The following SMARCA2 variants were observed in gnomAD, a reference collection of about 807,000 sequenced individuals.
The protein encoded by SMARCA2 is SWI/SNF-related matrix-associated actin-dependent regulator of chromatin subfamily A member 2.
A neutral mutation model predicts 199.8 loss-of-function variants in SMARCA2; 61 were observed. The ratio of observed to expected loss-of-function variants is 0.31; its 90% confidence interval spans 0.25 to 0.38. The LOEUF is 0.38. Among genes scored for constraint, SMARCA2 ranks in the 10% least tolerant of loss-of-function variants. The probability of loss-of-function intolerance (pLI) is 1.00; values close to 1 mark genes in which losing one functional copy is unlikely to be tolerated. For missense variants in SMARCA2, 1,344 were observed against 2,012.2 expected (o/e 0.67, Z 6.35); for synonymous variants, 935 against 732.0 (o/e 1.28, Z -4.48).
At chr9:2,146,173 A>T (rs1824733236) in intron 27 of SMARCA2, among the ~76,000 whole-genome samples, 3 of 152,182 alleles carry the variant, frequency 2.0e-5, no homozygotes, top group African/African-American at 7.2e-5. Context: ...TGGTTCATAG[A>T]CAGTGCCTTT....
intron 10 of SMARCA2, among the ~76,000 whole-genome samples, chr9:2,072,796 A>G (rs1821148401): frequency 6.6e-6 from 1 of 152,228 alleles, no homozygotes; most frequent in Admixed American, 6.5e-5. Context: ...TATCCCCAAT[A>G]TTATGCTCTA....
rs182131528 is a variant in SMARCA2 at position 2,165,357 on chromosome 9, A to G, written c.4199+3454A>G. Among the ~76,000 whole-genome samples, 467 of 152,336 alleles carry G rather than the reference A, an allele frequency of 3.1e-3. 2 individuals carry two copies. The highest frequency in any genetic ancestry group is 0.017 in the Middle Eastern group (5 of 294). ...GATATTTTCATAAAGAACTAAGATC[A>G]TTTATGTGTGTGTTCGTTGCTTTTT... is the stretch of plus-strand genomic sequence containing the variant. On this transcript the variant is annotated intron_variant, in intron 28 of 33. Coordinates refer to ENST00000349721, the MANE Select transcript of SMARCA2 (RefSeq NM_003070.5).
chr9:2,073,110 G>A lies in SMARCA2; in HGVS notation c.1747-102G>A, dbSNP rs187172059. On this transcript the variant is annotated intron_variant, in intron 10 of 33. Transcript: ENST00000349721. The stretch of plus-strand genomic sequence containing the variant: ...AGTGAAATTTCCAAACACAGAATAA[G>A]GTTTCACATGCTGGGCAGCAAAAAC... 1.1e-4 allele frequency: 146 copies of A among 1,371,436 alleles called. No homozygotes were observed. In the East Asian group the frequency reaches 3.3e-3, roughly 31 times the overall value. The allele number at this position is 1,371,436 out of a possible 1,614,324, so 85.0% of individuals were successfully genotyped here.
At chr9:2,121,964 A>G (rs1474567378) in intron 26 of SMARCA2, among the ~76,000 whole-genome samples, 4 of 152,198 alleles carry the variant, frequency 2.6e-5, no homozygotes, top group Non-Finnish European at 4.4e-5. Flanking sequence ...CTCAAGACCA[A>G]TTATTCACAA....
intron 29 of SMARCA2, among the ~76,000 whole-genome samples, chr9:2,177,428 C>G (rs1219372003): frequency 6.6e-6 from 1 of 152,102 alleles, no homozygotes; most frequent in Admixed American, 6.5e-5. Context: ...ATTAGCTATT[C>G]TGGTCAACAG....
At chr9:2,084,836 C>G (rs1821731778) in intron 17 of SMARCA2, among the ~76,000 whole-genome samples, 1 of 152,110 alleles carries the variant, frequency 6.6e-6, no homozygotes, top group African/African-American at 2.4e-5. Context: ...TAAGTTGTTC[C>G]TTAGCCACAA....
chr9:2,108,667 A>T (rs10964786), intron 23 of SMARCA2, among the ~76,000 whole-genome samples: 4,005 of 152,312 alleles, frequency 0.026, 89 homozygotes, highest in Non-Finnish European at 0.038. Context: ...TGTAATTTTT[A>T]AAAAAATTCT....
At chr9:2,188,228 G>A (rs1015961398) in intron 32 of SMARCA2, among the ~76,000 whole-genome samples, 1 of 152,018 alleles carries the variant, frequency 6.6e-6, no homozygotes, top group Non-Finnish European at 1.5e-5. Context: ...GAATGTGAAT[G>A]TACTGTAACG....
At position 2,169,107 on chromosome 9, in the gene SMARCA2, T is replaced by G. The variant is rs1272487053; in HGVS notation, c.4200-1312T>G. Among the ~76,000 whole-genome samples, 1 of 152,178 alleles carries G rather than the reference T, an allele frequency of 6.6e-6. No homozygotes were observed. The highest frequency in any genetic ancestry group is 1.5e-5 in the Non-Finnish European group (1 of 68,026). On this transcript the variant is annotated intron_variant, in intron 28 of 33. Coordinates refer to ENST00000349721, the MANE Select transcript of SMARCA2 (RefSeq NM_003070.5). This position sits in a 1 kb window ranked among gnomAD's most constrained non-coding sequence, Gnocchi z 6.5. ...AGACTTTCCCAATTCTGTGCCTTAT[T>G]GCTGACACTCAGAGTCCCCTCAACC...
rs1012827454 is a variant in SMARCA2 at position 2,169,215 on chromosome 9, G to A, written c.4200-1204G>A. Among the ~76,000 whole-genome samples the A allele has an allele frequency of 6.6e-6, 1 of 152,148 alleles. No homozygotes were observed. The highest frequency in any genetic ancestry group is 6.5e-5 in the Admixed American group (1 of 15,278). On this transcript the variant is annotated intron_variant, in intron 28 of 33. Transcript: ENST00000349721. The surrounding 1 kb of genome is among the most constrained non-coding windows in gnomAD (Gnocchi z 6.5). ...CTGAGGCCCTTGCACTGCTGGCCTG[G>A]CCTGGCAAGCTGCAGGGTGGACTGC...
intron 9 of SMARCA2, among the ~76,000 whole-genome samples, chr9:2,061,194 T>A (rs1441813686): frequency 6.6e-6 from 1 of 152,186 alleles, no homozygotes; most frequent in Non-Finnish European, 1.5e-5. Context: ...TAATGGGATA[T>A]ACTAAACTAA....
intron 19 of SMARCA2, among the ~76,000 whole-genome samples, chr9:2,093,376 C>A (rs995779030): frequency 1.3e-5 from 2 of 152,184 alleles, no homozygotes; most frequent in African/African-American, 2.4e-5. Context: ...AGATTGACAC[C>A]GGTACCTATG....
At chr9:2,080,915 G>T (rs934075698) in intron 14 of SMARCA2, among the ~76,000 whole-genome samples, 3 of 152,058 alleles carry the variant, frequency 2.0e-5, no homozygotes, top group African/African-American at 7.2e-5. Flanking sequence ...TACAGACCTT[G>T]GTATCTATCT....
At chr9:2,146,681 C>T (rs992257872) in intron 27 of SMARCA2, among the ~76,000 whole-genome samples, 4 of 152,168 alleles carry the variant, frequency 2.6e-5, no homozygotes, top group African/African-American at 9.7e-5. Context: ...GCTGCTTGCC[C>T]ATTTTTGTGG....
At chr9:2,150,106 G>C (rs1163233165) in intron 27 of SMARCA2, among the ~76,000 whole-genome samples, 1 of 151,586 alleles carries the variant, frequency 6.6e-6, no homozygotes, top group Non-Finnish European at 1.5e-5. Flanking sequence ...TTGTGTGTGA[G>C]TGCAAGGAAT....
chr9:2,146,036 C>T (rs1824724370), intron 27 of SMARCA2, among the ~76,000 whole-genome samples: 1 of 152,134 alleles, frequency 6.6e-6, no homozygotes, highest in Non-Finnish European at 1.5e-5. Flanking sequence ...AGAATGTTCG[C>T]ATAGCTGGGT....
chr9:2,087,334 C>G (rs938314207), intron 18 of SMARCA2: 3 of 453,838 alleles, frequency 6.6e-6, no homozygotes, highest in Non-Finnish European at 1.2e-5. Context: ...AGGGTCCCAA[C>G]CGGTGGAATG....
chr9:2,107,661 C>G (rs1414333577), intron 23 of SMARCA2, among the ~76,000 whole-genome samples: 1 of 152,158 alleles, frequency 6.6e-6, no homozygotes, highest in Non-Finnish European at 1.5e-5. Flanking sequence ...GGCCTGTTTG[C>G]TTGAGGTATC....
Position 2,161,214 on chromosome 9 carries a change from T to A in SMARCA2, c.3982-472T>A, listed in dbSNP as rs1056562205. Among the ~76,000 whole-genome samples, 2 of 152,220 alleles carry A rather than the reference T, an allele frequency of 1.3e-5. No individual in the cohort carries two copies. Among genetic ancestry groups the A allele is most frequent in the East Asian group, 3.8e-4 (2 of 5,204 alleles). On this transcript the variant is annotated intron_variant, in intron 27 of 33. Transcript: ENST00000349721. The surrounding 1 kb of genome is among the most constrained non-coding windows in gnomAD (Gnocchi z 4.7). The stretch of plus-strand genomic sequence containing the variant: ...ATATTGTTAATCATGAATAAATTGA[T>A]GCAAAACCTGAAGAAAAGGTCAAAG...
Sources: allele counts gnomAD v4.1 joint callset (sites outside exome capture counted in the v4.1 genomes callset), GRCh38; gene constraint gnomAD v4.1.1; non-coding constraint Gnocchi (gnomAD v3.1); transcripts MANE v1.5; gene names NCBI Gene and HGNC (gene_info 2026-07-23, HGNC 2026-07-21).